The following ELMO1 variants were observed in gnomAD, a reference collection of about 807,000 sequenced individuals.
ELMO1 encodes engulfment and cell motility protein 1.
A neutral mutation model predicts 98.9 loss-of-function variants in ELMO1; 26 were observed. That is an observed-to-expected ratio of 0.26 (90% CI 0.19 to 0.36). The LOEUF (loss-of-function observed/expected upper bound fraction) is 0.36, where lower values mean the gene tolerates loss of function less well. Among genes scored for constraint, ELMO1 ranks in the 10% least tolerant of loss-of-function variants. ELMO1 has a pLI of 1.00. For synonymous variants in ELMO1, 346 were observed against 346.0 expected, an observed-to-expected ratio of 1.00 and a Z score of 0.00; for missense variants, 627 against 935.2, an observed-to-expected ratio of 0.67 and a Z score of 4.30.
chr7:36,961,113 C>T (rs2129119952), intron 16 of ELMO1, among the ~76,000 whole-genome samples: 1 of 152,314 alleles, frequency 6.6e-6, no homozygotes, highest in South Asian at 2.1e-4. Context: ...ATCAATAGCA[C>T]AATACTTTGA....
At chr7:36,862,502 T>C (rs1802717554) in intron 20 of ELMO1, among the ~76,000 whole-genome samples, 1 of 152,248 alleles carries the variant, frequency 6.6e-6, no homozygotes, top group South Asian at 2.1e-4. Context: ...ACCAAGGCAC[T>C]CAGTGCCATG....
chr7:37,191,442 TTG>T (rs1190990856), intron 13 of ELMO1, among the ~76,000 whole-genome samples: 1 of 152,124 alleles, frequency 6.6e-6, no homozygotes, highest in African/African-American at 2.4e-5. Context: ...TCAAAAATAA[TTG>T]TGTCAAAAAT....
intron 15 of ELMO1, among the ~76,000 whole-genome samples, chr7:37,080,839 C>T (rs564965454): frequency 5.9e-5 from 9 of 152,086 alleles, no homozygotes; most frequent in African/African-American, 2.2e-4. Flanking sequence ...TCATGGCAAA[C>T]ACTCCTGCCT....
chr7:37,109,730 C>T (rs1785142567), intron 14 of ELMO1, among the ~76,000 whole-genome samples: 1 of 152,226 alleles, frequency 6.6e-6, no homozygotes, highest in African/African-American at 2.4e-5. Context: ...CCAAGTCCCC[C>T]ATTCCAGCTG....
chr7:36,969,690 A>T (rs1789752524), intron 16 of ELMO1, among the ~76,000 whole-genome samples: 1 of 152,062 alleles, frequency 6.6e-6, no homozygotes, highest in Non-Finnish European at 1.5e-5. Context: ...CCTCACTTGA[A>T]ATTCTGGCTT....
chr7:36,860,085 G>T (rs1201272579), intron 21 of ELMO1, among the ~76,000 whole-genome samples: 1 of 152,080 alleles, frequency 6.6e-6, no homozygotes, highest in Admixed American at 6.5e-5. Context: ...CTTTTCCCTA[G>T]CTTACCTTAT....
intron 16 of ELMO1, among the ~76,000 whole-genome samples, chr7:36,976,331 C>T (rs1353819541): frequency 6.6e-6 from 1 of 152,204 alleles, no homozygotes; most frequent in Non-Finnish European, 1.5e-5. Flanking sequence ...TTATTATCAT[C>T]CTATCATACT....
rs34247625 is a variant in ELMO1, at chr7:37,018,128, A to ATTTTTT, written c.1301-4699_1301-4694dup. Among the ~76,000 whole-genome samples, 41 of 144,948 alleles carry ATTTTTT rather than the reference A, an allele frequency of 2.8e-4. 1 individual carries two copies. Among genetic ancestry groups the ATTTTTT allele is most frequent in the African/African-American group, 9.4e-4 (37 of 39,374 alleles). On this transcript the variant is annotated intron_variant, in intron 15 of 21. Transcript: ENST00000310758. ...TAGTAAACAGTGGCTATTAGTTACT[A>ATTTTTT]TTTTTTTTTTTTTTTGAGACAGAGT...
At chr7:37,033,777 TGC>T (rs897107424) in intron 15 of ELMO1, among the ~76,000 whole-genome samples, 6 of 152,112 alleles carry the variant, frequency 3.9e-5, no homozygotes, top group African/African-American at 7.2e-5. Flanking sequence ...CCTAAAGAAC[TGC>T]GAAGAGATGT....
At chr7:37,275,243 C>T (rs902765582) in intron 4 of ELMO1, among the ~76,000 whole-genome samples, 1 of 152,196 alleles carries the variant, frequency 6.6e-6, no homozygotes, top group Non-Finnish European at 1.5e-5. Flanking sequence ...CTCGGAGTCC[C>T]AGGGCTTCCC....
chr7:37,335,369 G>A (rs12537646), intron 2 of ELMO1, among the ~76,000 whole-genome samples: 20,093 of 152,110 alleles, frequency 0.13, 1,455 homozygotes, highest in Non-Finnish European at 0.17. Flanking sequence ...CCATGAATGT[G>A]CGGGAACAAG....
intron 16 of ELMO1, among the ~76,000 whole-genome samples, chr7:37,005,414 G>A (rs1006218287): frequency 6.6e-6 from 1 of 152,046 alleles, no homozygotes; most frequent in Non-Finnish European, 1.5e-5. Flanking sequence ...ACTACTGGCT[G>A]GGCATGGTGG....
At chr7:36,980,311 G>T (rs1167201132) in intron 16 of ELMO1, among the ~76,000 whole-genome samples, 1 of 152,204 alleles carries the variant, frequency 6.6e-6, no homozygotes, top group African/African-American at 2.4e-5. Flanking sequence ...TATCTCACTA[G>T]CGGTTGACTT....
chr7:37,190,713 T>C, intron 13 of ELMO1, among the ~76,000 whole-genome samples: 1 of 152,098 alleles, frequency 6.6e-6, no homozygotes, highest in Admixed American at 6.5e-5. Context: ...TTGGCCAGGC[T>C]GGTGTCAAAC....
intron 15 of ELMO1, among the ~76,000 whole-genome samples, chr7:37,038,735 G>C (rs758510150): frequency 3.3e-5 from 5 of 152,160 alleles, no homozygotes; most frequent in Non-Finnish European, 5.9e-5. Context: ...GAATTTCTTT[G>C]TTTTTACAGT....
intron 16 of ELMO1, among the ~76,000 whole-genome samples, chr7:36,991,106 G>A (rs1043913687): frequency 4.6e-5 from 7 of 152,150 alleles, no homozygotes; most frequent in Non-Finnish European, 8.8e-5. Flanking sequence ...ACATGGCTAC[G>A]CTGCAACCAG....
intron 15 of ELMO1, among the ~76,000 whole-genome samples, chr7:37,019,838 T>C (rs1164393201): frequency 6.6e-6 from 1 of 152,238 alleles, no homozygotes; most frequent in Non-Finnish European, 1.5e-5. Context: ...AATATTAAGA[T>C]ATTTTCAGGA....
At chr7:37,438,538 T>C (rs1005549463) in intron 1 of ELMO1, among the ~76,000 whole-genome samples, 10 of 151,544 alleles carry the variant, frequency 6.6e-5, no homozygotes, top group Non-Finnish European at 1.5e-4. Context: ...AGGCGGAGAT[T>C]GCAGTGAGCC....
At chr7:37,403,955 AC>A (rs1803642086) in intron 1 of ELMO1, among the ~76,000 whole-genome samples, 1 of 152,206 alleles carries the variant, frequency 6.6e-6, no homozygotes, top group African/African-American at 2.4e-5. Flanking sequence ...TAACAAATGT[AC>A]CACACTAATG....
Sources: allele counts gnomAD v4.1 joint callset (sites outside exome capture counted in the v4.1 genomes callset), GRCh38; gene constraint gnomAD v4.1.1; transcripts MANE v1.5; gene names NCBI Gene and HGNC (gene_info 2026-07-23, HGNC 2026-07-21).